The following FOXN3 variants were observed in gnomAD, a reference collection of about 807,000 sequenced individuals.
The protein encoded by FOXN3 is forkhead box protein N3.
In FOXN3, 7 loss-of-function variants were observed where a neutral mutation model predicts 38.4. The observed-to-expected ratio is 0.18, with a 90% CI of 0.10 to 0.34. The LOEUF (loss-of-function observed/expected upper bound fraction) is 0.34, where lower values mean the gene tolerates loss of function less well. Among genes scored for constraint, FOXN3 ranks in the 10% least tolerant of loss-of-function variants. The probability of loss-of-function intolerance (pLI) is 1.00; values close to 1 mark genes in which losing one functional copy is unlikely to be tolerated. For missense variants in FOXN3, 456 were observed against 613.4 expected (o/e 0.74, Z 2.71); for synonymous variants, 230 against 242.2 (o/e 0.95, Z 0.47).
intron 1 of FOXN3, among the ~76,000 whole-genome samples, chr14:89,591,925 A>G (rs1025298501): frequency 6.6e-6 from 1 of 152,236 alleles, no homozygotes; most frequent in Non-Finnish European, 1.5e-5. Flanking sequence ...AAAAACATTA[A>G]AAGTGAAATG....
upstream of FOXN3, among the ~76,000 whole-genome samples, chr14:89,421,164 T>G (rs1891897116): frequency 8.9e-6 from 1 of 112,834 alleles, no homozygotes; most frequent in South Asian, 2.8e-4. Flanking sequence ...TTTTTTTTTT[T>G]TGAGACAAGA....
chr14:89,606,504 C>T (rs986701256), intron 1 of FOXN3, among the ~76,000 whole-genome samples: 18 of 152,304 alleles, frequency 1.2e-4, no homozygotes, highest in African/African-American at 4.3e-4. Flanking sequence ...CTTCTCACGC[C>T]TGAACATATG....
intron 5 of FOXN3, among the ~76,000 whole-genome samples, chr14:89,178,057 G>C (rs1409992134): frequency 6.6e-6 from 1 of 152,150 alleles, no homozygotes; most frequent in East Asian, 1.9e-4. Flanking sequence ...ACCCAGGCTG[G>C]AGTGCAGTGG....
intron 4 of FOXN3, among the ~76,000 whole-genome samples, chr14:89,252,225 G>C (rs1261028086): frequency 2.0e-5 from 3 of 152,208 alleles, no homozygotes; most frequent in Non-Finnish European, 4.4e-5. Flanking sequence ...CCAGGCTATA[G>C]AGCCAAGGAT....
At chr14:89,392,799 C>T (rs931763491) in intron 2 of FOXN3, among the ~76,000 whole-genome samples, 30 of 131,142 alleles carry the variant, frequency 2.3e-4, no homozygotes, top group African/African-American at 7.6e-4. Context: ...GACCACCACG[C>T]CCAGCTAATT....
chr14:89,534,946 C>A (rs560147689), intron 1 of FOXN3, among the ~76,000 whole-genome samples: 2 of 152,354 alleles, frequency 1.3e-5, no homozygotes, highest in South Asian at 4.1e-4. Context: ...ATCTGCTCTT[C>A]TAAAACAGCT....
chr14:89,420,508 A>G (rs1320040273), upstream of FOXN3, among the ~76,000 whole-genome samples: 1 of 152,196 alleles, frequency 6.6e-6, no homozygotes, highest in Non-Finnish European at 1.5e-5. Context: ...CTAACCAACT[A>G]GAGTCTTCTA....
At chr14:89,199,216 A>C (rs941644056) in intron 4 of FOXN3, among the ~76,000 whole-genome samples, 2 of 152,192 alleles carry the variant, frequency 1.3e-5, no homozygotes, top group African/African-American at 4.8e-5. Flanking sequence ...AGGAGACTGG[A>C]TTCACTGTGG....
chr14:89,602,071 T>G (rs1253619574), intron 1 of FOXN3, among the ~76,000 whole-genome samples: 1 of 152,124 alleles, frequency 6.6e-6, no homozygotes, highest in Non-Finnish European at 1.5e-5. Flanking sequence ...TTTTGGCAAC[T>G]TTCAAACCTA....
At chr14:89,377,402 A>G (rs1890518498) in intron 2 of FOXN3, among the ~76,000 whole-genome samples, 1 of 152,214 alleles carries the variant, frequency 6.6e-6, no homozygotes, top group South Asian at 2.1e-4. Flanking sequence ...CATCGAACTG[A>G]ATTATTTGAA....
chr14:89,322,400 A>G (rs1887921938), intron 3 of FOXN3, among the ~76,000 whole-genome samples: 2 of 152,276 alleles, frequency 1.3e-5, no homozygotes, highest in South Asian at 4.1e-4. Flanking sequence ...ATGAAGGGGA[A>G]CAAGAGAGGA....
Position 89,162,486 on chromosome 14 carries a change from C to T in FOXN3, c.1335G>A (p.Arg445=), listed in dbSNP as rs761485419. The change falls in exon 6 of 6, where the codon CGG becomes CGA. Residue 445 remains arginine (R), a synonymous_variant. Coordinates refer to ENST00000557258, the MANE Select transcript of FOXN3 (RefSeq NM_005197.4). This position sits in a 1 kb window ranked among gnomAD's most constrained non-coding sequence, Gnocchi z 7.2. ...AGSLLHLAGI[R]SCLNNITNRT... is the part of the protein sequence containing the mutation. ...GATTGGTGATGTTATTCAAACAGGA[C>T]CGGATCCCTGCTAAGTGCAGGAGGG... 1 of 1,613,060 alleles carries T rather than the reference C, an allele frequency of 6.2e-7. No homozygotes were observed. Among genetic ancestry groups the T allele is most frequent in the Admixed American group, 1.7e-5 (1 of 59,806 alleles).
intron 1 of FOXN3, among the ~76,000 whole-genome samples, chr14:89,453,856 G>A (rs1269669006): frequency 6.6e-6 from 1 of 152,118 alleles, no homozygotes. Flanking sequence ...ACACTGCTAT[G>A]GACTGAGGTT....
chr14:89,589,464 A>T (rs1168123209), intron 1 of FOXN3, among the ~76,000 whole-genome samples: 2 of 152,216 alleles, frequency 1.3e-5, no homozygotes, highest in African/African-American at 2.4e-5. Context: ...TGGTCGTGGT[A>T]GTCCTCACAA....
At chr14:89,509,340 G>GTT (rs1894011899) in intron 1 of FOXN3, among the ~76,000 whole-genome samples, 1 of 151,874 alleles carries the variant, frequency 6.6e-6, no homozygotes, top group South Asian at 2.1e-4. Context: ...TTGTTTGTTT[G>GTT]TTTGTTTGTT....
chr14:89,370,657 T>C (rs569073654), intron 2 of FOXN3, among the ~76,000 whole-genome samples: 35 of 152,348 alleles, frequency 2.3e-4, no homozygotes, highest in Non-Finnish European at 4.0e-4. Flanking sequence ...AGAAAGAACT[T>C]TGGTTTGATG....
intron 1 of FOXN3, among the ~76,000 whole-genome samples, chr14:89,504,723 A>C (rs1225861401): frequency 1.3e-5 from 2 of 152,204 alleles, no homozygotes; most frequent in African/African-American, 4.8e-5. Context: ...GGTTAAGCAA[A>C]GACACTCTTC....
chr14:89,591,383 G>T (rs1265743777), intron 1 of FOXN3, among the ~76,000 whole-genome samples: 3 of 152,170 alleles, frequency 2.0e-5, no homozygotes, highest in Non-Finnish European at 4.4e-5. Context: ...CTACACAGGA[G>T]ATTAGGAGAT....
At chr14:89,533,412 C>T (rs1414728459) in intron 1 of FOXN3, among the ~76,000 whole-genome samples, 6 of 152,128 alleles carry the variant, frequency 3.9e-5, no homozygotes, top group Admixed American at 3.9e-4. Context: ...GCCTGTAATC[C>T]TAGCACTTTG....
Sources: allele counts gnomAD v4.1 joint callset (sites outside exome capture counted in the v4.1 genomes callset), GRCh38; gene constraint gnomAD v4.1.1; non-coding constraint Gnocchi (gnomAD v3.1); transcripts MANE v1.5; gene names NCBI Gene and HGNC (gene_info 2026-07-23, HGNC 2026-07-21).